Variants in F13A1 observed in about 807,000 individuals in gnomAD.
The protein encoded by F13A1 is FSF, A subunit.
Under a neutral mutation model 80.1 loss-of-function variants are expected in F13A1, and 47 were observed. That is an observed-to-expected ratio of 0.59 (90% confidence interval 0.46 to 0.75). The LOEUF (loss-of-function observed/expected upper bound fraction) is 0.75, where lower values mean the gene tolerates loss of function less well. F13A1 is among the 30% of genes least tolerant of loss of function. The pLI is 0.00. For synonymous variants in F13A1, 349 were observed against 344.9 expected, an observed-to-expected ratio of 1.01 and a Z score of -0.13; for missense variants, 817 against 930.4, an observed-to-expected ratio of 0.88 and a Z score of 1.59.
intron 8 of F13A1, among the ~76,000 whole-genome samples, chr6:6,202,069 G>T (rs73720336): frequency 6.6e-6 from 1 of 150,994 alleles, no homozygotes; most frequent in African/African-American, 2.5e-5. Flanking sequence ...ATAACATATC[G>T]ATTACCTCCC....
At chr6:6,313,432 G>A (rs911011846) in intron 2 of F13A1, among the ~76,000 whole-genome samples, 11 of 151,972 alleles carry the variant, frequency 7.2e-5, no homozygotes, top group South Asian at 2.1e-4. Flanking sequence ...AAAAATCTCC[G>A]GAGGAGCAAC....
chr6:6,289,231 G>A (rs913844789), intron 3 of F13A1, among the ~76,000 whole-genome samples: 1 of 152,010 alleles, frequency 6.6e-6, no homozygotes, highest in Non-Finnish European at 1.5e-5. Flanking sequence ...GGTGGAGCTC[G>A]GGTTCTGACT....
chr6:6,224,151 C>A (rs1333467459), intron 7 of F13A1, among the ~76,000 whole-genome samples: 1 of 152,080 alleles, frequency 6.6e-6, no homozygotes. Context: ...ATGTTCTGAT[C>A]TCTAATTGCT....
At chr6:6,153,980 G>A (rs915358010) in intron 13 of F13A1, among the ~76,000 whole-genome samples, 1 of 152,122 alleles carries the variant, frequency 6.6e-6, no homozygotes, top group African/African-American at 2.4e-5. Flanking sequence ...TAACTTGAAT[G>A]AGGATTTGAA....
intron 8 of F13A1, among the ~76,000 whole-genome samples, chr6:6,208,830 A>C (rs1304896008): frequency 2.0e-5 from 3 of 152,158 alleles, no homozygotes; most frequent in Admixed American, 2.0e-4. Context: ...ATACATAAAA[A>C]GTTAACTCAA....
chr6:6,151,709 G>C lies in F13A1; in HGVS notation c.2045+104C>G. The C allele has an allele frequency of 2.0e-6, 3 of 1,524,922 alleles. No homozygotes were observed. In the South Asian group the frequency reaches 3.4e-5, roughly 17 times the overall value. The allele number at this position is 1,524,922 out of a possible 1,614,324, so 94.5% of individuals were successfully genotyped here. ...TCGGCAAGGAGGAGGCAGCTTCCAA[G>C]ACATTTTCACTGGGGAGCAGATCTA... On this transcript the variant is annotated intron_variant, in intron 14 of 14. Coordinates refer to ENST00000264870, the MANE Select transcript of F13A1 (RefSeq NM_000129.4).
chr6:6,306,001 C>A (rs1399236711), intron 2 of F13A1, among the ~76,000 whole-genome samples: 1 of 152,170 alleles, frequency 6.6e-6, no homozygotes, highest in Non-Finnish European at 1.5e-5. Flanking sequence ...TCTGACAAAG[C>A]CTCAAGGGGA....
At chr6:6,236,190 C>G (rs1400635745) in intron 6 of F13A1, among the ~76,000 whole-genome samples, 2 of 152,074 alleles carry the variant, frequency 1.3e-5, no homozygotes, top group African/African-American at 4.8e-5. Context: ...AAGGAAACTT[C>G]TGGGGGCAAT....
At chr6:6,146,807 G>T (rs1760288678) in intron 14 of F13A1, among the ~76,000 whole-genome samples, 1 of 152,266 alleles carries the variant, frequency 6.6e-6, no homozygotes, top group South Asian at 2.1e-4. Flanking sequence ...CTTCATAAAA[G>T]TGTACACCAT....
chr6:6,295,683 C>A, intron 3 of F13A1, among the ~76,000 whole-genome samples: 3 of 142,782 alleles, frequency 2.1e-5, no homozygotes, highest in Admixed American at 1.4e-4. Flanking sequence ...AATTTTCTCC[C>A]ATTCTGTAGG....
intron 4 of F13A1, among the ~76,000 whole-genome samples, chr6:6,263,266 C>T (rs1247796612): frequency 6.6e-6 from 1 of 152,232 alleles, no homozygotes; most frequent in African/African-American, 2.4e-5. Context: ...GACCATCTCC[C>T]TGGCTTCTGT....
At chr6:6,167,362 T>TCA (rs1192090732) in intron 13 of F13A1, 96 bp downstream of exon 13, 3,205 of 1,078,780 alleles carry the variant, frequency 3.0e-3, no homozygotes, top group Middle Eastern at 3.5e-3. Context: ...GGACATTCAT[T>TCA]CACACACACA....
At chr6:6,220,633 T>C (rs544299992) in intron 8 of F13A1, among the ~76,000 whole-genome samples, 1 of 152,250 alleles carries the variant, frequency 6.6e-6, no homozygotes, top group South Asian at 2.1e-4. Flanking sequence ...AATAACTATC[T>C]TTTTGTCATT....
At chr6:6,264,985 G>T (rs1431744622) in intron 4 of F13A1, among the ~76,000 whole-genome samples, 1 of 152,182 alleles carries the variant, frequency 6.6e-6, no homozygotes, top group African/African-American at 2.4e-5. Context: ...GCCATGCTGG[G>T]CATGGTGGTT....
chr6:6,173,929 A>G lies in F13A1; in HGVS notation c.1747+651T>C, dbSNP rs117909570. Among the ~76,000 whole-genome samples, 121 of 152,214 alleles carry G rather than the reference A, an allele frequency of 7.9e-4. 1 individual carries two copies. In the East Asian group the frequency reaches 0.023, roughly 29 times the overall value. ...TTTGATTCAGAGGGTGTGGGGTGGG[A>G]CATGAGATTCTACATTTTTTTCAAA... On this transcript the variant is annotated intron_variant, in intron 12 of 14. Coordinates refer to ENST00000264870, the MANE Select transcript of F13A1 (RefSeq NM_000129.4).
chr6:6,213,519 C>T (rs1761660644), intron 8 of F13A1, among the ~76,000 whole-genome samples: 1 of 145,322 alleles, frequency 6.9e-6, no homozygotes, highest in Non-Finnish European at 1.5e-5. Context: ...AAAAGAGCTC[C>T]TGAAGGAAGC....
chr6:6,224,370 TGTG>T (rs149945307), intron 7 of F13A1, among the ~76,000 whole-genome samples: 20,597 of 152,180 alleles, frequency 0.14, 1,818 homozygotes, highest in Non-Finnish European at 0.2. Context: ...TTTTTTAAAA[TGTG>T]GTGGCTGAAA....
intron 3 of F13A1, 130 bp downstream of exon 3, chr6:6,305,221 G>T: frequency 3.9e-6 from 4 of 1,018,072 alleles, no homozygotes; most frequent in Admixed American, 1.9e-5. Flanking sequence ...TAATTCAGGG[G>T]CTGGATGTCA....
intron 3 of F13A1, among the ~76,000 whole-genome samples, chr6:6,269,697 T>G (rs574516784): frequency 7.1e-6 from 1 of 139,890 alleles, no homozygotes; most frequent in African/African-American, 2.9e-5. Flanking sequence ...TTACCTACTG[T>G]TTTTTTTTTT....
Sources: gnomAD v4.1 joint callset for allele counts (sites outside exome capture counted in the v4.1 genomes callset) on GRCh38, gnomAD v4.1.1 for gene constraint, MANE v1.5 for transcripts, NCBI Gene and HGNC (gene_info 2026-07-23, HGNC 2026-07-21) for gene names.